CROT: variants seen among roughly 807,000 people sequenced by gnomAD.
CROT encodes peroxisomal carnitine O-octanoyltransferase.
Under a neutral mutation model 89.2 loss-of-function variants are expected in CROT, and 84 were observed. The observed-to-expected ratio is 0.94, with a 90% confidence interval of 0.79 to 1.13. The LOEUF is 1.13. Among genes scored for constraint, CROT ranks in the 50% most tolerant of loss-of-function variants. CROT has a pLI of 0.00. For missense variants in CROT, 711 were observed against 727.8 expected (o/e 0.98, Z 0.27); for synonymous variants, 212 against 239.5 (o/e 0.89, Z 1.06).
chr7:87,383,184 C>T (rs1273284151), intron 13 of CROT, among the ~76,000 whole-genome samples: 1 of 152,172 alleles, frequency 6.6e-6, no homozygotes, highest in East Asian at 1.9e-4. Context: ...AGTCAACCTA[C>T]TGTGCTATCG....
At chr7:87,395,097 A>T (rs1043425056) in intron 17 of CROT, among the ~76,000 whole-genome samples, 2 of 152,218 alleles carry the variant, frequency 1.3e-5, no homozygotes, top group Non-Finnish European at 2.9e-5. Flanking sequence ...TGTAAGAAGC[A>T]TTAACTCACA....
chr7:87,378,313 T>C (rs1806874939), intron 10 of CROT, among the ~76,000 whole-genome samples: 1 of 144,142 alleles, frequency 6.9e-6, no homozygotes, highest in African/African-American at 2.6e-5. Context: ...GCCAGTGCAC[T>C]TCAGCCTGGG....
intron 6 of CROT, among the ~76,000 whole-genome samples, chr7:87,365,749 G>A (rs1584629743): frequency 6.6e-6 from 1 of 151,564 alleles, no homozygotes; most frequent in African/African-American, 2.4e-5. Flanking sequence ...CTGGGACCAG[G>A]CACATGCCAC....
At chr7:87,373,071 G>A (rs370108851) in intron 7 of CROT, among the ~76,000 whole-genome samples, 102 of 152,146 alleles carry the variant, frequency 6.7e-4, no homozygotes, top group Middle Eastern at 3.4e-3. Context: ...CCAAAATGGC[G>A]CAGTATATTA....
At position 87,375,625 on chromosome 7, in the gene CROT, C is replaced by A. The variant is rs1397744978; in HGVS notation, c.657-7C>A. On this transcript the variant is annotated splice_region_variant and splice_polypyrimidine_tract_variant and intron_variant, in intron 7 of 17. Coordinates refer to ENST00000331536, the MANE Select transcript of CROT (RefSeq NM_021151.4). Reference sequence around the variant, plus strand: ...TCTTTTTTAATCTTCTTTTCATCTTCCATAAGACAACTGACATATATCCAC... The same window carrying A: ...TCTTTTTTAATCTTCTTTTCATCTTACATAAGACAACTGACATATATCCAC... The A allele has an allele frequency of 1.2e-6, 2 of 1,605,102 alleles. No individual in the cohort carries two copies. Among genetic ancestry groups the A allele is most frequent in the Non-Finnish European group, 1.7e-6 (2 of 1,172,484 alleles).
chr7:87,347,389 T>C (rs1442740130), intron 2 of CROT, among the ~76,000 whole-genome samples: 1 of 152,236 alleles, frequency 6.6e-6, no homozygotes, highest in Non-Finnish European at 1.5e-5. Context: ...TCTGACTTTA[T>C]TGAATTGTAT....
In CROT at chr7:87,381,909, G is replaced by T. The variant is rs760150341; in HGVS notation, c.979-1G>T. ...AGAAATCTTGTGTGTTCTCATTTTA[G>T]CATGCTCCTTTTGATGCAATGATTA... is the stretch of plus-strand genomic sequence containing the variant. On this transcript the variant is annotated splice_acceptor_variant, in intron 10 of 17. Coordinates refer to ENST00000331536, the MANE Select transcript of CROT (RefSeq NM_021151.4). LOFTEE classifies it high-confidence loss of function. 3.1e-5 allele frequency: 50 copies of T among 1,598,282 alleles called. No homozygotes were observed. In the South Asian group the frequency reaches 4.8e-4, roughly 15 times the overall value.
intron 10 of CROT, among the ~76,000 whole-genome samples, chr7:87,378,431 C>T (rs567601500): frequency 2.0e-5 from 3 of 151,616 alleles, no homozygotes; most frequent in South Asian, 2.1e-4. Flanking sequence ...CTAGCGTTAG[C>T]GTAAGAAGAT....
At chr7:87,395,601 TA>T (rs1687037659) in intron 17 of CROT, among the ~76,000 whole-genome samples, 1 of 152,230 alleles carries the variant, frequency 6.6e-6, no homozygotes, top group South Asian at 2.1e-4. Flanking sequence ...AGGGAAAAGA[TA>T]AACATCAGCT....
At chr7:87,379,268 T>C (rs1480025943) in intron 10 of CROT, among the ~76,000 whole-genome samples, 1 of 152,226 alleles carries the variant, frequency 6.6e-6, no homozygotes, top group Non-Finnish European at 1.5e-5. Context: ...GACCTTAATA[T>C]TCATCACACT....
At chr7:87,396,626 C>T (rs1235363896) in intron 17 of CROT, among the ~76,000 whole-genome samples, 1 of 151,592 alleles carries the variant, frequency 6.6e-6, no homozygotes, top group African/African-American at 2.4e-5. Flanking sequence ...TCCCCTGCCT[C>T]TTCTTTCATC....
At chr7:87,388,619 A>G (rs1036716483) in intron 13 of CROT, among the ~76,000 whole-genome samples, 5 of 152,222 alleles carry the variant, frequency 3.3e-5, no homozygotes, top group Non-Finnish European at 5.9e-5. Context: ...TTATACAAAA[A>G]TTAACTCAAG....
At chr7:87,380,213 G>A (rs1338952694) in intron 10 of CROT, among the ~76,000 whole-genome samples, 1 of 152,232 alleles carries the variant, frequency 6.6e-6, no homozygotes, top group Non-Finnish European at 1.5e-5. Flanking sequence ...GTTTGAATAT[G>A]TTCTTTTGTG....
intron 6 of CROT, among the ~76,000 whole-genome samples, chr7:87,366,260 A>G (rs1192379799): frequency 6.6e-6 from 1 of 151,364 alleles, no homozygotes; most frequent in African/African-American, 2.4e-5. Flanking sequence ...TTTCTTTTAT[A>G]TAGCACTACA....
chr7:87,367,867 C>T (rs1806494694), intron 6 of CROT, among the ~76,000 whole-genome samples: 1 of 152,216 alleles, frequency 6.6e-6, no homozygotes, highest in Admixed American at 6.5e-5. Context: ...AGATTGTTCT[C>T]ACCTGGACAA....
intron 7 of CROT, among the ~76,000 whole-genome samples, chr7:87,374,702 C>T (rs1288606542): frequency 6.6e-6 from 1 of 151,984 alleles, no homozygotes; most frequent in Non-Finnish European, 1.5e-5. Flanking sequence ...GGGAATTTTT[C>T]AGCAAGAAAT....
chr7:87,355,969 C>G (rs1018234776), intron 3 of CROT, among the ~76,000 whole-genome samples: 2 of 152,120 alleles, frequency 1.3e-5, no homozygotes, highest in Non-Finnish European at 2.9e-5. Context: ...TAGATAAAAT[C>G]ATTCCACAAT....
intron 13 of CROT, among the ~76,000 whole-genome samples, chr7:87,386,141 C>T (rs1442934593): frequency 6.6e-6 from 1 of 151,982 alleles, no homozygotes; most frequent in Non-Finnish European, 1.5e-5. Flanking sequence ...TTAGTTGTGT[C>T]CTTTTCTGGT....
At chr7:87,360,865 A>T (rs1806244119) in intron 4 of CROT, among the ~76,000 whole-genome samples, 4 of 152,198 alleles carry the variant, frequency 2.6e-5, no homozygotes, top group Admixed American at 2.6e-4. Flanking sequence ...TTGATAGTGT[A>T]GTTAAAACAA....
Sources: gnomAD v4.1 joint callset for allele counts (sites outside exome capture counted in the v4.1 genomes callset) on GRCh38, gnomAD v4.1.1 for gene constraint, MANE v1.5 for transcripts, NCBI Gene and HGNC (gene_info 2026-07-23, HGNC 2026-07-21) for gene names.